GPR35: variants seen among roughly 807,000 people sequenced by gnomAD.
The protein encoded by GPR35 is G protein-coupled receptor 35, also known as KYNA receptor.
For synonymous variants in GPR35, 207 were observed against 198.4 expected (o/e 1.04, Z -0.36); for missense variants, 372 against 422.5 (o/e 0.88, Z 1.05).
rs369154325 is a variant in GPR35 at position 240,630,264 on chromosome 2, C to G, written c.312C>G (p.Ile104Met). ...ACCTGACCAACAGGTACATGAGCAT[C>G]AGCCTGGTCACGGCCATCGCCGTGG... Reference protein sequence around the residue: ...GIYLTNRYMSISLVTAIAVDR... With the variant: ...GIYLTNRYMSMSLVTAIAVDR... The change falls in exon 2 of 2, where the codon ATC becomes ATG. Residue 104 changes from isoleucine to methionine, a missense_variant. Physicochemically the swap from Ile to Met is conservative, Grantham distance 10. Coordinates refer to ENST00000407714, the MANE Select transcript of GPR35 (RefSeq NM_005301.5). 5.3e-5 allele frequency: 83 copies of G among 1,564,194 alleles called. No homozygotes were observed. Among genetic ancestry groups the G allele is most frequent in the Non-Finnish European group, 6.4e-5 (74 of 1,158,870 alleles).
At chr2:240,615,036 TTTTATG>T (rs2043225586) in intron 2 of GPR35, among the ~76,000 whole-genome samples, 1 of 151,982 alleles carries the variant, frequency 6.6e-6, no homozygotes, top group East Asian at 1.9e-4. Flanking sequence ...ATGTGTCTGT[TTTTATG>T]TGTGTGCATG....
upstream of GPR35, among the ~76,000 whole-genome samples, chr2:240,620,675 G>A (rs1457740287): frequency 6.6e-6 from 1 of 152,138 alleles, no homozygotes; most frequent in Non-Finnish European, 1.5e-5. Flanking sequence ...CCCCTGTGGG[G>A]ATGGGGCCAT....
intron 1 of GPR35, among the ~76,000 whole-genome samples, chr2:240,606,217 A>T (rs1298757672): frequency 1.3e-5 from 2 of 152,218 alleles, no homozygotes; most frequent in African/African-American, 4.8e-5. Context: ...AGTCGGGCAT[A>T]TGCAGTGTCC....
At chr2:240,624,148 G>A (rs113374935), upstream of GPR35, among the ~76,000 whole-genome samples, 16 of 152,276 alleles carry the variant, frequency 1.1e-4, no homozygotes, top group Admixed American at 5.9e-4. Context: ...CCTGCTTGAC[G>A]GCGGCCGGGC....
intron 5 of GPR35, among the ~76,000 whole-genome samples, chr2:240,620,158 C>T (rs2043277682): frequency 6.6e-6 from 1 of 152,130 alleles, no homozygotes; most frequent in Non-Finnish European, 1.5e-5. Flanking sequence ...GGTGGGGACC[C>T]CAGCGGGGCA....
At chr2:240,627,048 A>T (rs1028276997) in intron 1 of GPR35, among the ~76,000 whole-genome samples, 3 of 152,200 alleles carry the variant, frequency 2.0e-5, no homozygotes, top group Non-Finnish European at 4.4e-5. Flanking sequence ...TCCAATCCCC[A>T]AAGCCTCCTG....
At position 240,629,965 on chromosome 2, in the gene GPR35, TACA is replaced by T. The variant is rs1252474063; in HGVS notation, c.17_19del (p.Asn6del). On this transcript the variant is annotated inframe_deletion, in exon 2 of 2. Coordinates refer to ENST00000407714, the MANE Select transcript of GPR35 (RefSeq NM_005301.5). ...CTGCCCCAGGACCATGAATGGCACC[TACA>T]ACACCTGTGGCTCCAGCGACCTCAC... The T allele has an allele frequency of 3.1e-6, 5 of 1,604,418 alleles. 1 individual carries two copies. The South Asian group carries it at 3.3e-5, about 11-fold the overall frequency.
chr2:240,616,581 A>G, intron 3 of GPR35: 1 of 736,568 alleles, frequency 1.4e-6, no homozygotes, highest in Non-Finnish European at 2.5e-6. Flanking sequence ...GGGGCTCATG[A>G]TATCTGGTGG....
chr2:240,615,428 C>A (rs1468645387), intron 2 of GPR35, among the ~76,000 whole-genome samples: 3 of 152,258 alleles, frequency 2.0e-5, no homozygotes, highest in Non-Finnish European at 4.4e-5. Flanking sequence ...CCACAACACA[C>A]TCCCACGTTT....
upstream of GPR35, among the ~76,000 whole-genome samples, chr2:240,620,827 C>A (rs1428223031): frequency 1.3e-5 from 2 of 152,240 alleles, no homozygotes; most frequent in Non-Finnish European, 2.9e-5. Flanking sequence ...TCCCCTGCCC[C>A]TCTGTGGCCA....
At chr2:240,619,411 GTC>G (rs1245811716) in intron 5 of GPR35, among the ~76,000 whole-genome samples, 1 of 152,260 alleles carries the variant, frequency 6.6e-6, no homozygotes, top group Non-Finnish European at 1.5e-5. Flanking sequence ...CGGAGGAAGT[GTC>G]TCTGAAGGCT....
chr2:240,623,530 GGA>G (rs1219599047), upstream of GPR35, among the ~76,000 whole-genome samples: 2 of 150,758 alleles, frequency 1.3e-5, no homozygotes, highest in African/African-American at 4.9e-5. Flanking sequence ...GCAGCTTTGG[GGA>G]GAGAGGGGCC....
intron 2 of GPR35, among the ~76,000 whole-genome samples, chr2:240,608,828 A>G: frequency 6.6e-6 from 1 of 152,172 alleles, no homozygotes; most frequent in Non-Finnish European, 1.5e-5. Flanking sequence ...TAAGTGTTTG[A>G]TGGAATTCAT....
chr2:240,623,627 C>T (rs1472451587), upstream of GPR35, among the ~76,000 whole-genome samples: 2 of 151,942 alleles, frequency 1.3e-5, no homozygotes, highest in African/African-American at 2.4e-5. Context: ...GGGCAGAGCA[C>T]GAGGGCCCAG....
In GPR35 at chr2:240,620,149, G is replaced by C. The variant is rs147157560; in HGVS notation, c.-5+1118G>C. 4.3e-3 allele frequency among the ~76,000 whole-genome samples: 652 copies of C among 152,292 alleles called. 26 individuals are homozygous for C. The East Asian group carries it at 0.055, about 13-fold the overall frequency. On this transcript the variant is annotated intron_variant, in intron 5 of 5. Coordinates refer to the GPR35 transcript ENST00000319838. ...CACCCAAGGCCCACCCCGAGGCCAG[G>C]TGGGGACCCCAGCGGGGCATCTGGC... is the stretch of plus-strand genomic sequence containing the variant.
chr2:240,613,961 C>A (rs1027528024), intron 2 of GPR35, among the ~76,000 whole-genome samples: 1 of 151,834 alleles, frequency 6.6e-6, no homozygotes, highest in Non-Finnish European at 1.5e-5. Context: ...CTAACTCAAC[C>A]CAAACCTTAA....
chr2:240,616,919 G>A (rs969637408), intron 3 of GPR35: 4 of 767,472 alleles, frequency 5.2e-6, no homozygotes, highest in Non-Finnish European at 9.7e-6. Context: ...GCAGGAACCA[G>A]GGAAGATTTG....
intron 2 of GPR35, among the ~76,000 whole-genome samples, chr2:240,609,752 C>A (rs2043165482): frequency 6.6e-6 from 1 of 152,132 alleles, no homozygotes; most frequent in East Asian, 1.9e-4. Context: ...TTGCTCAGGG[C>A]TATCATATTC....
At chr2:240,623,481 C>CGCAAACAGATCGTGAGGGT (rs2043330624), upstream of GPR35, among the ~76,000 whole-genome samples, 1 of 46,444 alleles carries the variant, frequency 2.2e-5, no homozygotes, top group Non-Finnish European at 4.8e-5. Context: ...GTCGTGAGGG[C>CGCAAACAGATCGTGAGGGT]GCAAACAGGT....
Sources: allele counts gnomAD v4.1 joint callset (sites outside exome capture counted in the v4.1 genomes callset), GRCh38; gene constraint gnomAD v4.1.1; transcripts MANE v1.5; gene names NCBI Gene and HGNC (gene_info 2026-07-23, HGNC 2026-07-21).